The following SLC4A7 variants were observed in gnomAD, a reference collection of about 807,000 sequenced individuals.
SLC4A7 encodes the protein solute carrier family 4 member 7.
SLC4A7 carries 51 observed loss-of-function variants against 137.6 expected under a neutral mutation model. That is an observed-to-expected ratio of 0.37 (90% CI 0.30 to 0.47). The LOEUF (loss-of-function observed/expected upper bound fraction) is 0.47. Among genes scored for constraint, SLC4A7 ranks in the 20% least tolerant of loss-of-function variants. The pLI is 1.00. For synonymous variants in SLC4A7, 542 were observed against 518.6 expected (o/e 1.05, Z -0.61); for missense variants, 1,247 against 1,525.4 (o/e 0.82, Z 3.04).
intron 1 of SLC4A7, among the ~76,000 whole-genome samples, chr3:27,459,130 T>C (rs547610227): frequency 2.6e-4 from 39 of 152,156 alleles, no homozygotes; most frequent in Non-Finnish European, 4.3e-4. Flanking sequence ...CCTCCCCCAC[T>C]GGATTATAAA....
At chr3:27,417,472 G>C (rs1269747446) in intron 11 of SLC4A7, among the ~76,000 whole-genome samples, 1 of 152,144 alleles carries the variant, frequency 6.6e-6, no homozygotes, top group Admixed American at 6.5e-5. Context: ...CTCATTAAAA[G>C]GCCGGAAGCA....
At chr3:27,388,688 T>C (rs1221080072) in intron 22 of SLC4A7, among the ~76,000 whole-genome samples, 4 of 152,090 alleles carry the variant, frequency 2.6e-5, no homozygotes, top group Non-Finnish European at 5.9e-5. Flanking sequence ...AGAATGTTTT[T>C]TTACAGATAA....
chr3:27,483,487 G>GCGCGGCCAGTCCA (rs1173799046), intron 1 of SLC4A7, among the ~76,000 whole-genome samples: 3 of 152,226 alleles, frequency 2.0e-5, no homozygotes, highest in African/African-American at 7.2e-5. Flanking sequence ...CCGGGAAGGA[G>GCGCGGCCAGTCCA]CGCGGCCAGT....
chr3:27,379,122 T>C (rs2050172340), intron 25 of SLC4A7, 127 bp downstream of exon 25: 2 of 581,230 alleles, frequency 3.4e-6, no homozygotes. Flanking sequence ...GACAAAAACA[T>C]AATTATTATT....
intron 13 of SLC4A7, 103 bp from the exon 14 acceptor site, chr3:27,405,066 A>G (rs2053201505): frequency 4.3e-6 from 3 of 690,216 alleles, no homozygotes; most frequent in Non-Finnish European, 6.5e-6. Flanking sequence ...ATACCCATCA[A>G]GCAGTTATAA....
intron 1 of SLC4A7, chr3:27,462,375 TGGGGA>T (rs1299616342): frequency 6.6e-6 from 1 of 152,168 alleles, no homozygotes; most frequent in Non-Finnish European, 1.5e-5. Context: ...TCGCAGGTAC[TGGGGA>T]GCTCTGGTCA....
Position 27,479,544 on chromosome 3 carries a change from GC to G in SLC4A7, c.60+4522del, listed in dbSNP as rs1220880339. Among the ~76,000 whole-genome samples the G allele has an allele frequency of 3.5e-4, 54 of 152,244 alleles. No individual in the cohort carries two copies. In the Middle Eastern group the frequency reaches 0.01, roughly 29 times the overall value. The stretch of plus-strand genomic sequence containing the variant: ...GTCTACTCTAATCAGCTAGCCCTCT[GC>G]CTTAAGGAAGATTGTCAACAGCAAC... On this transcript the variant is annotated intron_variant, in intron 1 of 25. Coordinates refer to ENST00000454389, the MANE Select transcript of SLC4A7 (RefSeq NM_001321103.2).
intron 1 of SLC4A7, among the ~76,000 whole-genome samples, chr3:27,474,068 T>G (rs1050954348): frequency 2.6e-5 from 4 of 152,220 alleles, no homozygotes; most frequent in Admixed American, 2.6e-4. Context: ...CTGAACACTA[T>G]GCTAAGCTCT....
At chr3:27,461,606 C>CAAA (rs200548018) in intron 1 of SLC4A7, among the ~76,000 whole-genome samples, 2 of 86,786 alleles carry the variant, frequency 2.3e-5, no homozygotes, top group East Asian at 4.0e-4. Context: ...ACCTCGTTTA[C>CAAA]AAAAAAAAAA....
At chr3:27,404,076 G>A (rs2053078016) in intron 14 of SLC4A7, among the ~76,000 whole-genome samples, 1 of 152,210 alleles carries the variant, frequency 6.6e-6, no homozygotes, top group South Asian at 2.1e-4. Context: ...TGTCACAAAA[G>A]GAAGAGTACT....
intron 7 of SLC4A7, among the ~76,000 whole-genome samples, chr3:27,425,371 A>T (rs928896560): frequency 8.4e-5 from 1 of 11,926 alleles, no homozygotes; most frequent in Admixed American, 7.1e-4. Context: ...ACTCCGTCCT[A>T]AAAAAAAAAA....
intron 20 of SLC4A7, among the ~76,000 whole-genome samples, chr3:27,392,544 T>C (rs1346906866): frequency 6.6e-6 from 1 of 152,140 alleles, no homozygotes; most frequent in Admixed American, 6.6e-5. Context: ...AGCAGACGTA[T>C]TTTAAAAAAT....
chr3:27,426,052 A>G (rs1576384027), intron 7 of SLC4A7, among the ~76,000 whole-genome samples: 1 of 152,316 alleles, frequency 6.6e-6, no homozygotes, highest in East Asian at 1.9e-4. Flanking sequence ...AGGAGTTTTC[A>G]CTTTTGTAAA....
At chr3:27,393,822 T>G (rs1420203445) in intron 20 of SLC4A7, among the ~76,000 whole-genome samples, 1 of 151,988 alleles carries the variant, frequency 6.6e-6, no homozygotes, top group Non-Finnish European at 1.5e-5. Context: ...AAATTAAAAA[T>G]AAAAGCCAAC....
At chr3:27,409,665 T>C (rs995151645) in intron 12 of SLC4A7, 135 bp from the exon 13 acceptor site, 1 of 607,268 alleles carries the variant, frequency 1.6e-6, no homozygotes, top group Non-Finnish European at 2.9e-6. Flanking sequence ...ATTTAACTTA[T>C]AAATTACAGA....
chr3:27,452,337 TA>T, intron 2 of SLC4A7, 79 bp downstream of exon 2: 1 of 932,964 alleles, frequency 1.1e-6, no homozygotes, highest in Non-Finnish European at 1.6e-6. Context: ...AAATACTAGG[TA>T]AAACTTAAAA....
intron 1 of SLC4A7, among the ~76,000 whole-genome samples, chr3:27,460,413 C>G (rs2058636189): frequency 2.0e-5 from 3 of 152,162 alleles, no homozygotes; most frequent in Admixed American, 6.5e-5. Context: ...GCTCTGTCCT[C>G]TGGTTAATTC....
At chr3:27,443,281 C>T (rs2057359292) in intron 3 of SLC4A7, among the ~76,000 whole-genome samples, 1 of 152,058 alleles carries the variant, frequency 6.6e-6, no homozygotes, top group South Asian at 2.1e-4. Flanking sequence ...CCGCCCGCCT[C>T]GGCCTCTCAA....
chr3:27,418,776 G>A, intron 10 of SLC4A7, 144 bp from the exon 11 acceptor site: 1 of 572,198 alleles, frequency 1.7e-6, no homozygotes, highest in Non-Finnish European at 3.1e-6. Flanking sequence ...AGCCCAGCCT[G>A]GGTAACAACT....
Sources: allele counts gnomAD v4.1 joint callset (sites outside exome capture counted in the v4.1 genomes callset), GRCh38; gene constraint gnomAD v4.1.1; transcripts MANE v1.5; gene names NCBI Gene and HGNC (gene_info 2026-07-23, HGNC 2026-07-21).